Variants in SLC6A5 observed in about 807,000 individuals in gnomAD.
SLC6A5 encodes sodium- and chloride-dependent glycine transporter 2.
SLC6A5 carries 58 observed loss-of-function variants against 90.5 expected under a neutral mutation model. That is an observed-to-expected ratio of 0.64 (90% CI 0.52 to 0.80). The LOEUF (loss-of-function observed/expected upper bound fraction) is 0.80. SLC6A5 is among the 30% of genes least tolerant of loss of function. The pLI is 0.00. For synonymous variants in SLC6A5, 427 were observed against 401.4 expected, an observed-to-expected ratio of 1.06 and a Z score of -0.76; for missense variants, 1,015 against 1,017.6, an observed-to-expected ratio of 1.00 and a Z score of 0.03.
chr11:20,647,211 CTATATA>C, intron 14 of SLC6A5, among the ~76,000 whole-genome samples: 1 of 127,418 alleles, frequency 7.8e-6, no homozygotes, highest in East Asian at 2.7e-4. Flanking sequence ...ATATCAGTTC[CTATATA>C]TATATATAAA....
rs1461924175 is a variant in SLC6A5 at position 20,656,144 on chromosome 11, T to C, written c.*1276T>C. 1.3e-5 allele frequency: 2 copies of C among 152,218 alleles called. No individual in the cohort carries two copies. The highest frequency in any genetic ancestry group is 2.1e-4 in the South Asian group (1 of 4,834). 9.4% of individuals were successfully genotyped at this position (152,218 alleles called of 1,614,324 possible). A position where few individuals can be genotyped will look rare whatever the true frequency, so the allele number is the denominator to read the frequency against. On this transcript the variant is annotated 3_prime_UTR_variant, in exon 16 of 16. Transcript: ENST00000525748. Reference sequence around the variant, plus strand: ...GAGCTGATCATATGTCTGCAGAAATTGGCAAAGTGTAAACTTTATTATCTT... The same window carrying C: ...GAGCTGATCATATGTCTGCAGAAATCGGCAAAGTGTAAACTTTATTATCTT...
Position 20,601,141 on chromosome 11 carries a change from C to T in SLC6A5, c.16C>T (p.Pro6Ser). MDCSA[P>S]KEMNKLPANS... is the part of the protein sequence containing the mutation. ...ATTGTGTTTGCAGGATTGCAGTGCT[C>T]CCAAGGAAATGAATAAACTGCCAGC... Residue 6 changes from proline (P) to serine (S), a missense_variant, in exon 2 of 16, where the codon CCC (proline) becomes TCC (serine). Transcript: ENST00000525748. 1 of 1,591,120 alleles carries T rather than the reference C, an allele frequency of 6.3e-7. No individual in the cohort carries two copies. Among genetic ancestry groups the T allele is most frequent in the South Asian group, 1.1e-5 (1 of 89,370 alleles).
At chr11:20,614,450 G>A (rs939938649) in intron 5 of SLC6A5, among the ~76,000 whole-genome samples, 2 of 152,302 alleles carry the variant, frequency 1.3e-5, no homozygotes, top group African/African-American at 4.8e-5. Context: ...AAATGCCTTT[G>A]TCATCAGTAC....
chr11:20,618,755 G>A (rs925256433), intron 7 of SLC6A5, among the ~76,000 whole-genome samples: 1 of 152,102 alleles, frequency 6.6e-6, no homozygotes, highest in Non-Finnish European at 1.5e-5. Context: ...TGGCCAACAT[G>A]GTGAAACCCC....
At chr11:20,623,653 G>T (rs1852935169) in intron 7 of SLC6A5, among the ~76,000 whole-genome samples, 1 of 152,034 alleles carries the variant, frequency 6.6e-6, no homozygotes, top group Non-Finnish European at 1.5e-5. Flanking sequence ...GCCCCACCTA[G>T]TCTGCCCCTC....
At chr11:20,628,105 T>C in intron 9 of SLC6A5, 22 bp downstream of exon 9, 1 of 1,567,174 alleles carries the variant, frequency 6.4e-7, no homozygotes, top group Non-Finnish European at 8.8e-7. Context: ...TACTACAAGA[T>C]CTGGGCATAG....
intron 7 of SLC6A5, among the ~76,000 whole-genome samples, chr11:20,619,805 T>C (rs1852855548): frequency 6.6e-6 from 1 of 152,182 alleles, no homozygotes; most frequent in Non-Finnish European, 1.5e-5. Flanking sequence ...GCACTTCTAC[T>C]CTGTGACCTC....
At chr11:20,642,324 G>A (rs1853330116) in intron 13 of SLC6A5, among the ~76,000 whole-genome samples, 1 of 151,936 alleles carries the variant, frequency 6.6e-6, no homozygotes, top group African/African-American at 2.4e-5. Flanking sequence ...AAAGGTGCAT[G>A]GGGGAAAGTG....
At chr11:20,651,211 C>T (rs1475085404) in intron 14 of SLC6A5, among the ~76,000 whole-genome samples, 1 of 127,604 alleles carries the variant, frequency 7.8e-6, no homozygotes, top group Non-Finnish European at 1.6e-5. Flanking sequence ...CCTCCCCTTC[C>T]CTTCCCTCCA....
chr11:20,618,832 G>A (rs1040353839), intron 7 of SLC6A5, among the ~76,000 whole-genome samples: 44 of 152,078 alleles, frequency 2.9e-4, no homozygotes, highest in African/African-American at 1.1e-3. Context: ...TGCTACTTGG[G>A]AGGCTGAGGC....
chr11:20,649,852 A>G (rs567066884), intron 14 of SLC6A5, among the ~76,000 whole-genome samples: 1 of 152,362 alleles, frequency 6.6e-6, no homozygotes, highest in South Asian at 2.1e-4. Context: ...TCTGGTTAAT[A>G]AAGTTTATAA....
At chr11:20,653,926 A>T (rs1853586301) in intron 15 of SLC6A5, among the ~76,000 whole-genome samples, 1 of 152,218 alleles carries the variant, frequency 6.6e-6, no homozygotes, top group Non-Finnish European at 1.5e-5. Context: ...CAAACTGATG[A>T]TTAAGGAGAG....
intron 10 of SLC6A5, among the ~76,000 whole-genome samples, chr11:20,634,307 A>G (rs140300087): frequency 1.3e-5 from 2 of 152,330 alleles, no homozygotes; most frequent in South Asian, 2.1e-4. Context: ...TAACGATGTT[A>G]TTCTCTAGAT....
At chr11:20,600,073 C>G (rs960684429) in intron 1 of SLC6A5, among the ~76,000 whole-genome samples, 2 of 151,830 alleles carry the variant, frequency 1.3e-5, no homozygotes, top group Admixed American at 1.3e-4. Flanking sequence ...GGGGGTTAGA[C>G]GAGAGGAGTG....
chr11:20,643,665 G>C (rs1295748334), intron 13 of SLC6A5, among the ~76,000 whole-genome samples: 2 of 152,236 alleles, frequency 1.3e-5, no homozygotes, highest in Non-Finnish European at 2.9e-5. Context: ...ACTGTACCAT[G>C]TTTGTGACTG....
intron 9 of SLC6A5, among the ~76,000 whole-genome samples, chr11:20,628,500 C>G (rs1853046044): frequency 6.6e-6 from 1 of 152,178 alleles, no homozygotes; most frequent in African/African-American, 2.4e-5. Flanking sequence ...CACATTGGAT[C>G]AGGGACCACT....
In SLC6A5 at chr11:20,601,113, G is replaced by A. The variant is rs1178663048; in HGVS notation, c.4-16G>A. 11 of 1,581,328 alleles carry A rather than the reference G, an allele frequency of 7.0e-6. No individual in the cohort carries two copies. Among genetic ancestry groups the A allele is most frequent in the Non-Finnish European group, 9.4e-6 (11 of 1,171,280 alleles). ...TTGTGACTTTGTTTTGCACGAACTTGACATTGTGTTTGCAGGATTGCAGTG... is the reference window on the plus strand; with the variant it reads ...TTGTGACTTTGTTTTGCACGAACTTAACATTGTGTTTGCAGGATTGCAGTG... On this transcript the variant is annotated splice_polypyrimidine_tract_variant and intron_variant, in intron 1 of 15. Coordinates refer to ENST00000525748, the MANE Select transcript of SLC6A5 (RefSeq NM_004211.5).
chr11:20,635,530 G>C (rs1406568767), intron 10 of SLC6A5, among the ~76,000 whole-genome samples: 1 of 152,116 alleles, frequency 6.6e-6, no homozygotes, highest in Non-Finnish European at 1.5e-5. Context: ...TAGGAGGAAG[G>C]GTAGTTAAAG....
intron 3 of SLC6A5, among the ~76,000 whole-genome samples, chr11:20,606,740 A>G (rs764082167): frequency 6.6e-6 from 1 of 152,146 alleles, no homozygotes; most frequent in Non-Finnish European, 1.5e-5. Flanking sequence ...ATAAAAACCC[A>G]TCAGCACATA....
Sources: allele counts gnomAD v4.1 joint callset (sites outside exome capture counted in the v4.1 genomes callset), GRCh38; gene constraint gnomAD v4.1.1; transcripts MANE v1.5; gene names NCBI Gene and HGNC (gene_info 2026-07-23, HGNC 2026-07-21).